LRMDA: variants seen among roughly 807,000 people sequenced by gnomAD.
LRMDA encodes the protein leucine rich melanocyte differentiation associated.
LRMDA carries 18 observed loss-of-function variants against 29.8 expected under a neutral mutation model. The ratio of observed to expected loss-of-function variants is 0.60; its 90% CI spans 0.42 to 0.90. The LOEUF is 0.90. Ranked by LOEUF, LRMDA falls within the 40% of genes least tolerant of loss-of-function variation. LRMDA has a pLI of 0.00. For synonymous variants in LRMDA, 125 were observed against 109.4 expected, an observed-to-expected ratio of 1.14 and a Z score of -0.89; for missense variants, 273 against 273.9, an observed-to-expected ratio of 1.00 and a Z score of 0.02.
intron 6 of LRMDA, among the ~76,000 whole-genome samples, chr10:76,530,809 C>A (rs184200218): frequency 6.6e-6 from 1 of 152,194 alleles, no homozygotes; most frequent in African/African-American, 2.4e-5. Flanking sequence ...AGAGCTAGAC[C>A]GTACTCCACG....
At chr10:76,117,632 C>G (rs1228105867) in intron 5 of LRMDA, among the ~76,000 whole-genome samples, 2 of 152,210 alleles carry the variant, frequency 1.3e-5, no homozygotes, top group African/African-American at 2.4e-5. Context: ...AAGACTGGCT[C>G]TGTGGCCTTC....
At position 76,052,310 on chromosome 10, in the gene LRMDA, C is replaced by G. The variant is rs564509436; in HGVS notation, c.398+5007C>G. ...GCCCAGTTCCCTCAAGAATTGGAAA[C>G]TTGGTACTTCTTGAATAGAGTGTCA... On this transcript the variant is annotated intron_variant, in intron 4 of 6. Coordinates refer to ENST00000611255, the MANE Select transcript of LRMDA (RefSeq NM_001305581.2). 3.9e-4 allele frequency among the ~76,000 whole-genome samples: 59 copies of G among 152,346 alleles called. 1 individual carries two copies. Among genetic ancestry groups the G allele is most frequent in the Non-Finnish European group, 7.1e-4 (48 of 68,028 alleles).
chr10:76,031,462 T>G (rs1298047848), intron 2 of LRMDA, among the ~76,000 whole-genome samples: 1 of 152,134 alleles, frequency 6.6e-6, no homozygotes, highest in Non-Finnish European at 1.5e-5. Flanking sequence ...GCCGTTTTTT[T>G]CTTAGACACT....
intron 2 of LRMDA, among the ~76,000 whole-genome samples, chr10:75,556,133 A>T (rs1331344497): frequency 6.6e-6 from 1 of 152,154 alleles, no homozygotes; most frequent in African/African-American, 2.4e-5. Context: ...CCCAAATTTG[A>T]TGAATGATAT....
At chr10:76,359,521 C>T (rs993697332) in intron 6 of LRMDA, among the ~76,000 whole-genome samples, 4 of 152,140 alleles carry the variant, frequency 2.6e-5, no homozygotes, top group Non-Finnish European at 5.9e-5. Context: ...ATAACACCAG[C>T]GTGTGGCTGT....
At chr10:75,544,577 T>C (rs1165704980) in intron 2 of LRMDA, among the ~76,000 whole-genome samples, 1 of 152,202 alleles carries the variant, frequency 6.6e-6, no homozygotes, top group East Asian at 1.9e-4. Context: ...TGATCCCAGC[T>C]GTCAAAGAGT....
intron 2 of LRMDA, among the ~76,000 whole-genome samples, chr10:75,941,990 C>T (rs1159757367): frequency 6.6e-6 from 1 of 152,098 alleles, no homozygotes; most frequent in Admixed American, 6.5e-5. Flanking sequence ...TATTATTTTA[C>T]ATATTATACA....
At chr10:75,658,582 G>C (rs943556092) in intron 2 of LRMDA, among the ~76,000 whole-genome samples, 1 of 152,158 alleles carries the variant, frequency 6.6e-6, no homozygotes, top group Non-Finnish European at 1.5e-5. Context: ...TTGCATCTAA[G>C]AGGGACTGAG....
intron 6 of LRMDA, among the ~76,000 whole-genome samples, chr10:76,371,291 CCTT>C (rs1841451300): frequency 1.3e-5 from 2 of 152,172 alleles, no homozygotes; most frequent in African/African-American, 4.8e-5. Context: ...TTCTCTTTCT[CCTT>C]CTTGCAGTGG....
chr10:75,511,890 C>T lies in LRMDA; in HGVS notation c.131+73396C>T, dbSNP rs75011442. The stretch of plus-strand genomic sequence containing the variant: ...CTTCTTGTTAAATCCTGTCCTCCTC[C>T]TCTTCTGCCTCCCTCTGTAAGTGGC... On this transcript the variant is annotated intron_variant, in intron 2 of 6. Coordinates refer to ENST00000611255, the MANE Select transcript of LRMDA (RefSeq NM_001305581.2). Among the ~76,000 whole-genome samples, 618 of 152,334 alleles carry T rather than the reference C, an allele frequency of 4.1e-3. 6 individuals are homozygous for T. The highest frequency in any genetic ancestry group is 0.014 in the African/African-American group (583 of 41,572).
At chr10:75,531,472 T>A (rs149034761) in intron 2 of LRMDA, among the ~76,000 whole-genome samples, 11 of 152,222 alleles carry the variant, frequency 7.2e-5, no homozygotes, top group African/African-American at 1.9e-4. Flanking sequence ...AGCCAGACCC[T>A]CCCAACCCTG....
chr10:76,146,930 C>T (rs1850334911), intron 5 of LRMDA, among the ~76,000 whole-genome samples: 1 of 151,832 alleles, frequency 6.6e-6, no homozygotes, highest in Non-Finnish European at 1.5e-5. Context: ...TATTTTATTT[C>T]TCCTTCACTT....
intron 6 of LRMDA, among the ~76,000 whole-genome samples, chr10:76,545,131 G>T (rs1843403593): frequency 6.6e-6 from 1 of 151,434 alleles, no homozygotes; most frequent in Admixed American, 6.6e-5. Context: ...GTTGTTACAG[G>T]GTCTGCTTAA....
chr10:75,453,207 A>G (rs1173691002), intron 2 of LRMDA, among the ~76,000 whole-genome samples: 1 of 152,224 alleles, frequency 6.6e-6, no homozygotes, highest in African/African-American at 2.4e-5. Flanking sequence ...AGAGACAGAG[A>G]GAGAAAATGT....
At chr10:75,580,374 G>A (rs1321677971) in intron 2 of LRMDA, among the ~76,000 whole-genome samples, 3 of 152,084 alleles carry the variant, frequency 2.0e-5, no homozygotes, top group Non-Finnish European at 4.4e-5. Flanking sequence ...GGATGTGAAG[G>A]ACCTCTTCGA....
intron 2 of LRMDA, among the ~76,000 whole-genome samples, chr10:75,951,902 T>C (rs190926038): frequency 6.6e-6 from 1 of 152,322 alleles, no homozygotes; most frequent in Admixed American, 6.5e-5. Context: ...TTACCTGCGG[T>C]CCTGGAGGGA....
At chr10:76,032,422 A>G (rs1848165884) in intron 2 of LRMDA, among the ~76,000 whole-genome samples, 1 of 152,224 alleles carries the variant, frequency 6.6e-6, no homozygotes. Flanking sequence ...CTCTGACAGG[A>G]AGCTTGATCA....
At chr10:76,528,730 A>G (rs1334834804) in intron 6 of LRMDA, among the ~76,000 whole-genome samples, 1 of 152,166 alleles carries the variant, frequency 6.6e-6, no homozygotes, top group Non-Finnish European at 1.5e-5. Flanking sequence ...GTCCTATAAC[A>G]TGAATTTCAG....
intron 5 of LRMDA, among the ~76,000 whole-genome samples, chr10:76,144,530 G>T (rs899665191): frequency 7.9e-5 from 12 of 152,120 alleles, no homozygotes; most frequent in African/African-American, 2.9e-4. Flanking sequence ...TGTGATTTTT[G>T]TACATTGATT....
Sources: gnomAD v4.1 joint callset for allele counts (sites outside exome capture counted in the v4.1 genomes callset) on GRCh38, gnomAD v4.1.1 for gene constraint, MANE v1.5 for transcripts, NCBI Gene and HGNC (gene_info 2026-07-23, HGNC 2026-07-21) for gene names.